ZDHHC14: variants seen among roughly 807,000 people sequenced by gnomAD.
ZDHHC14 encodes the protein palmitoyltransferase ZDHHC14.
Under a neutral mutation model 47.7 loss-of-function variants are expected in ZDHHC14, and 16 were observed. That is an observed-to-expected ratio of 0.34 (90% confidence interval 0.23 to 0.51). The LOEUF is 0.51. ZDHHC14 is among the 20% of genes least tolerant of loss of function. The pLI is 0.97. For synonymous variants in ZDHHC14, 293 were observed against 278.9 expected (o/e 1.05, Z -0.50); for missense variants, 515 against 662.5 (o/e 0.78, Z 2.44).
At chr6:157,383,077 G>A (rs1777246495) in intron 1 of ZDHHC14, among the ~76,000 whole-genome samples, 1 of 152,196 alleles carries the variant, frequency 6.6e-6, no homozygotes, top group Non-Finnish European at 1.5e-5. Flanking sequence ...AGTCTTCACC[G>A]TTTTCAGGAA....
At chr6:157,484,379 C>CACATATATACGTATATATACAT (rs1779720863) in intron 1 of ZDHHC14, among the ~76,000 whole-genome samples, 1 of 143,126 alleles carries the variant, frequency 7.0e-6, no homozygotes, top group African/African-American at 2.6e-5. Context: ...TATATATACA[C>CACATATATACGTATATATACAT]ACATATATAC....
chr6:157,442,739 T>C (rs1224043452), intron 1 of ZDHHC14, among the ~76,000 whole-genome samples: 27 of 152,194 alleles, frequency 1.8e-4, no homozygotes, highest in Non-Finnish European at 1.5e-5. Flanking sequence ...AGCAGACGCC[T>C]CCTGAAGAAC....
intron 3 of ZDHHC14, among the ~76,000 whole-genome samples, chr6:157,624,933 G>A (rs1014546360): frequency 5.9e-5 from 9 of 152,156 alleles, no homozygotes; most frequent in Middle Eastern, 3.2e-3. Context: ...CCACGGCCAC[G>A]GGGCCTACAT....
At chr6:157,465,526 G>C (rs960500837) in intron 1 of ZDHHC14, among the ~76,000 whole-genome samples, 1 of 152,050 alleles carries the variant, frequency 6.6e-6, no homozygotes, top group Non-Finnish European at 1.5e-5. Context: ...GGATGACTTA[G>C]AGTCTTCTTT....
chr6:157,510,876 G>A (rs948049852), intron 1 of ZDHHC14, among the ~76,000 whole-genome samples: 2 of 152,332 alleles, frequency 1.3e-5, no homozygotes, highest in Admixed American at 6.5e-5. Flanking sequence ...CACCTCCCTC[G>A]CTTCAGCGGT....
At chr6:157,407,055 T>C (rs974750084) in intron 1 of ZDHHC14, among the ~76,000 whole-genome samples, 5 of 152,228 alleles carry the variant, frequency 3.3e-5, no homozygotes, top group African/African-American at 9.6e-5. Context: ...ATAAATGTAA[T>C]GGACACACAT....
chr6:157,507,286 A>ATTT (rs34582274), intron 1 of ZDHHC14, among the ~76,000 whole-genome samples: 3 of 134,992 alleles, frequency 2.2e-5, no homozygotes, highest in Non-Finnish European at 3.2e-5. Flanking sequence ...TTCCTGACTC[A>ATTT]TTTTTTTTTT....
intron 1 of ZDHHC14, among the ~76,000 whole-genome samples, chr6:157,400,731 C>T (rs1315834764): frequency 6.6e-6 from 1 of 152,172 alleles, no homozygotes; most frequent in Non-Finnish European, 1.5e-5. Flanking sequence ...CTGCCCTATT[C>T]CAGCCACGAA....
At chr6:157,458,651 A>G (rs565785698) in intron 1 of ZDHHC14, among the ~76,000 whole-genome samples, 21 of 152,044 alleles carry the variant, frequency 1.4e-4, no homozygotes, top group Non-Finnish European at 2.6e-4. Flanking sequence ...GGGATCAAGG[A>G]CCTGGCATGG....
At chr6:157,514,762 C>T (rs535191885) in intron 1 of ZDHHC14, among the ~76,000 whole-genome samples, 8 of 152,274 alleles carry the variant, frequency 5.3e-5, no homozygotes, top group South Asian at 2.1e-4. Context: ...CCCCGCTGGG[C>T]GGTGGGGAGT....
chr6:157,647,702 G>A (rs990729107), intron 7 of ZDHHC14, among the ~76,000 whole-genome samples: 28 of 152,212 alleles, frequency 1.8e-4, no homozygotes, highest in Non-Finnish European at 3.7e-4. Flanking sequence ...TCGTCAAGGA[G>A]ACAGGACACA....
chr6:157,445,424 C>T (rs916237504), intron 1 of ZDHHC14, among the ~76,000 whole-genome samples: 1 of 152,114 alleles, frequency 6.6e-6, no homozygotes, highest in African/African-American at 2.4e-5. Context: ...CCGTCTCATT[C>T]CTGTTACATC....
chr6:157,572,039 C>CT (rs1783119526), intron 2 of ZDHHC14, among the ~76,000 whole-genome samples: 1 of 151,934 alleles, frequency 6.6e-6, no homozygotes, highest in Non-Finnish European at 1.5e-5. Flanking sequence ...TGGGAGGAGA[C>CT]GCTGAGATGA....
chr6:157,446,893 C>A (rs571343957), intron 1 of ZDHHC14, among the ~76,000 whole-genome samples: 5 of 151,760 alleles, frequency 3.3e-5, no homozygotes, highest in South Asian at 2.1e-4. Flanking sequence ...CCGAGGCAGG[C>A]GGATCACCTG....
At chr6:157,483,287 C>T (rs1324643919) in intron 1 of ZDHHC14, among the ~76,000 whole-genome samples, 1 of 152,132 alleles carries the variant, frequency 6.6e-6, no homozygotes, top group Non-Finnish European at 1.5e-5. Flanking sequence ...GTTTTTCTCC[C>T]TGCTGACACT....
intron 1 of ZDHHC14, among the ~76,000 whole-genome samples, chr6:157,450,371 A>G (rs1778776143): frequency 6.6e-6 from 1 of 152,058 alleles, no homozygotes; most frequent in African/African-American, 2.4e-5. Context: ...ACAATTGGCT[A>G]AATTGTTTCA....
At chr6:157,492,145 C>G (rs1220872859) in intron 1 of ZDHHC14, among the ~76,000 whole-genome samples, 1 of 152,066 alleles carries the variant, frequency 6.6e-6, no homozygotes, top group East Asian at 1.9e-4. Flanking sequence ...GGAAACCCGG[C>G]CTTTTCCCTT....
chr6:157,454,212 CA>C (rs1417750491), intron 1 of ZDHHC14, among the ~76,000 whole-genome samples: 1 of 152,114 alleles, frequency 6.6e-6, no homozygotes, highest in Non-Finnish European at 1.5e-5. Flanking sequence ...TTCCATCATC[CA>C]AAACATGAAG....
chr6:157,616,447 C>T (rs1321330358), intron 3 of ZDHHC14, among the ~76,000 whole-genome samples: 2 of 152,134 alleles, frequency 1.3e-5, no homozygotes, highest in African/African-American at 2.4e-5. Flanking sequence ...ATTAGGTCCA[C>T]AAGTGTCCAG....
Sources: gnomAD v4.1 joint callset for allele counts (sites outside exome capture counted in the v4.1 genomes callset) on GRCh38, gnomAD v4.1.1 for gene constraint, MANE v1.5 for transcripts, NCBI Gene and HGNC (gene_info 2026-07-23, HGNC 2026-07-21) for gene names.